The following TICAM2 variants were observed in gnomAD, a reference collection of about 807,000 sequenced individuals.
TICAM2 encodes the protein TIR domain containing adaptor molecule 2.
TICAM2 carries 8 observed loss-of-function variants against 7.3 expected under a neutral mutation model. The ratio of observed to expected loss-of-function variants is 1.10; its 90% CI spans 0.65 to 1.99. The LOEUF (loss-of-function observed/expected upper bound fraction) is 1.99. TICAM2 is among the 30% of genes most tolerant of loss of function. The pLI is 0.00. For missense variants in TICAM2, 304 were observed against 278.8 expected, an observed-to-expected ratio of 1.09 and a Z score of -0.65; for synonymous variants, 113 against 99.6, an observed-to-expected ratio of 1.13 and a Z score of -0.80.
Position 115,578,841 on chromosome 5 carries a change from G to A in TICAM2, c.*1708C>T, listed in dbSNP as rs997921884. The A allele has an allele frequency of 6.6e-6, 1 of 152,142 alleles. No individual in the cohort carries two copies. The highest frequency in any genetic ancestry group is 2.4e-5 in the African/African-American group (1 of 41,384). The allele number at this position is 152,142 out of a possible 1,614,324, so 9.4% of individuals were successfully genotyped here. A position where few individuals can be genotyped will look rare whatever the true frequency, so the allele number is the denominator to read the frequency against. ...GTGAGTAGTAAGCTACTATCAGAAC[G>A]TTAAGGCTAAGAAAATGTCACTATG... On this transcript the variant is annotated 3_prime_UTR_variant, in exon 2 of 2. Coordinates refer to ENST00000427199, the MANE Select transcript of TICAM2 (RefSeq NM_021649.7).
intron 1 of TICAM2, among the ~76,000 whole-genome samples, chr5:115,588,487 C>T (rs977623073): frequency 1.3e-5 from 2 of 152,194 alleles, no homozygotes; most frequent in Non-Finnish European, 2.9e-5. Context: ...CATGCCATTA[C>T]AGCTATTGCT....
chr5:115,596,401 T>G (rs992229028), intron 1 of TICAM2, among the ~76,000 whole-genome samples: 3 of 152,222 alleles, frequency 2.0e-5, no homozygotes, highest in Non-Finnish European at 4.4e-5. Flanking sequence ...AATAATACCC[T>G]GCATAGCCTG....
At chr5:115,582,419 C>T (rs1353628616) in intron 1 of TICAM2, among the ~76,000 whole-genome samples, 5 of 151,002 alleles carry the variant, frequency 3.3e-5, no homozygotes, top group Non-Finnish European at 7.4e-5. Flanking sequence ...GCAATCCTCC[C>T]GCCTCAGCCT....
chr5:115,595,749 C>T lies in TICAM2; in HGVS notation c.-60+6348G>A, dbSNP rs975652893. On this transcript the variant is annotated intron_variant, in intron 1 of 1. Transcript: ENST00000427199. The stretch of plus-strand genomic sequence containing the variant: ...TACTCTTGAGAGTTCTAATATCCAC[C>T]TATTTACGGTTTTCCCAAATGTCAT... 2.6e-5 allele frequency among the ~76,000 whole-genome samples: 4 copies of T among 152,188 alleles called. No individual in the cohort carries two copies. The South Asian group carries it at 6.2e-4, about 24-fold the overall frequency.
chr5:115,583,752 A>G (rs1755010992), intron 1 of TICAM2, among the ~76,000 whole-genome samples: 1 of 152,208 alleles, frequency 6.6e-6, no homozygotes, highest in African/African-American at 2.4e-5. Flanking sequence ...ACTGTTGGCC[A>G]GTTAACTCCA....
intron 1 of TICAM2, among the ~76,000 whole-genome samples, chr5:115,585,780 G>T (rs1032477527): frequency 6.6e-6 from 1 of 152,168 alleles, no homozygotes; most frequent in African/African-American, 2.4e-5. Context: ...GGAGTGACAT[G>T]ATCTGACTAG....
chr5:115,587,740 G>A (rs984900552), intron 1 of TICAM2, among the ~76,000 whole-genome samples: 1 of 152,178 alleles, frequency 6.6e-6, no homozygotes, highest in African/African-American at 2.4e-5. Flanking sequence ...GAGCTTGGGT[G>A]CCCATGGCTT....
rs550822281 is a variant in TICAM2, at chr5:115,602,391, G to A, written c.-354C>T. Reference sequence around the variant, plus strand: ...CCGCCGCCCCCGAGGGGCCGCTCGAGGCCGGACTGCTGCTTTGCCGTGGCA... The same window carrying A: ...CCGCCGCCCCCGAGGGGCCGCTCGAAGCCGGACTGCTGCTTTGCCGTGGCA... On this transcript the variant is annotated 5_prime_UTR_variant, in exon 1 of 2. Coordinates refer to ENST00000427199, the MANE Select transcript of TICAM2 (RefSeq NM_021649.7). The A allele has an allele frequency of 1.3e-5, 2 of 152,798 alleles. No individual in the cohort carries two copies. Among genetic ancestry groups the A allele is most frequent in the Non-Finnish European group, 2.9e-5 (2 of 68,420 alleles). The allele number at this position is 152,798 out of a possible 1,614,324, so 9.5% of individuals were successfully genotyped here. A position where few individuals can be genotyped will look rare whatever the true frequency, so the allele number is the denominator to read the frequency against.
rs1754873371 is a variant in TICAM2 at position 115,580,397 on chromosome 5, T to C, written c.*152A>G. ...AAAAGTACCACAATTTTATAGGCTGTCCTGCAGAAATTTATCTTTCTTGTG... is the reference window on the plus strand; with the variant it reads ...AAAAGTACCACAATTTTATAGGCTGCCCTGCAGAAATTTATCTTTCTTGTG... On this transcript the variant is annotated 3_prime_UTR_variant, in exon 2 of 2. Coordinates refer to ENST00000427199, the MANE Select transcript of TICAM2 (RefSeq NM_021649.7). 6.8e-6 allele frequency: 7 copies of C among 1,033,462 alleles called. No individual in the cohort carries two copies. The highest frequency in any genetic ancestry group is 7.8e-6 in the Non-Finnish European group (6 of 772,592). The allele number at this position is 1,033,462 out of a possible 1,614,324, so 64.0% of individuals were successfully genotyped here.
At chr5:115,587,231 C>T (rs992363882) in intron 1 of TICAM2, among the ~76,000 whole-genome samples, 5 of 152,112 alleles carry the variant, frequency 3.3e-5, no homozygotes, top group Non-Finnish European at 7.4e-5. Context: ...CAGATAGCCC[C>T]TGGTAGGTGT....
chr5:115,586,678 C>A (rs1755118563), intron 1 of TICAM2, among the ~76,000 whole-genome samples: 1 of 152,162 alleles, frequency 6.6e-6, no homozygotes, highest in African/African-American at 2.4e-5. Context: ...AATCCTTCAG[C>A]CTTGGAGAGC....
chr5:115,601,814 G>C (rs1226736898), intron 1 of TICAM2, among the ~76,000 whole-genome samples: 1 of 152,188 alleles, frequency 6.6e-6, no homozygotes, highest in Non-Finnish European at 1.5e-5. Flanking sequence ...TGGGCTATTT[G>C]CTTATGGTTC....
intron 1 of TICAM2, among the ~76,000 whole-genome samples, chr5:115,593,582 AG>A (rs1755393424): frequency 1.3e-5 from 2 of 152,234 alleles, no homozygotes; most frequent in Admixed American, 1.3e-4. Context: ...AATATAGTAA[AG>A]ATGTCAATTC....
rs1754852409 is a variant in TICAM2, at chr5:115,579,846, T to G, written c.*703A>C. 1 of 152,138 alleles carries G rather than the reference T, an allele frequency of 6.6e-6. No individual in the cohort carries two copies. The highest frequency in any genetic ancestry group is 2.1e-4 in the South Asian group (1 of 4,822). 9.4% of individuals were successfully genotyped at this position (152,138 alleles called of 1,614,324 possible). On this transcript the variant is annotated 3_prime_UTR_variant, in exon 2 of 2. Coordinates refer to ENST00000427199, the MANE Select transcript of TICAM2 (RefSeq NM_021649.7). ...TAAAGCCATAGTTACAAATGATGAC[T>G]AATATGAAGAGATTTAAGCCCCAGG...
intron 1 of TICAM2, among the ~76,000 whole-genome samples, chr5:115,591,873 G>C (rs888190772): frequency 1.3e-5 from 2 of 152,140 alleles, no homozygotes; most frequent in Non-Finnish European, 2.9e-5. Flanking sequence ...AGTAATTTAA[G>C]AGATAATGTA....
intron 1 of TICAM2, among the ~76,000 whole-genome samples, chr5:115,584,545 G>A (rs1755036364): frequency 6.6e-6 from 1 of 152,076 alleles, no homozygotes; most frequent in African/African-American, 2.4e-5. Flanking sequence ...TCCCCCAATG[G>A]GATTTCCATT....
intron 1 of TICAM2, among the ~76,000 whole-genome samples, chr5:115,599,637 C>T (rs1273792754): frequency 6.6e-6 from 1 of 152,152 alleles, no homozygotes; most frequent in Non-Finnish European, 1.5e-5. Flanking sequence ...GCTGCAATAG[C>T]ACAGTAACCC....
intron 1 of TICAM2, among the ~76,000 whole-genome samples, chr5:115,587,190 T>G (rs1456055497): frequency 6.6e-6 from 1 of 152,186 alleles, no homozygotes; most frequent in Non-Finnish European, 1.5e-5. Context: ...GGTATTTTGC[T>G]CAGGACTTTG....
Position 115,581,442 on chromosome 5 carries a change from C to T in TICAM2, c.-59-127G>A, listed in dbSNP as rs1247104297. ...CAGATCCAAATACATAAACGACAAA[C>T]AGATAATTGGGAAGCTAAACTACTA... On this transcript the variant is annotated intron_variant, in intron 1 of 1. Transcript: ENST00000427199. The T allele has an allele frequency of 9.7e-6, 11 of 1,132,466 alleles. No homozygotes were observed. The East Asian group carries it at 2.6e-4, about 27-fold the overall frequency. The allele number at this position is 1,132,466 out of a possible 1,614,324, so 70.2% of individuals were successfully genotyped here.
Sources: allele counts gnomAD v4.1 joint callset (sites outside exome capture counted in the v4.1 genomes callset), GRCh38; gene constraint gnomAD v4.1.1; transcripts MANE v1.5; gene names NCBI Gene and HGNC (gene_info 2026-07-23, HGNC 2026-07-21).